LRGUK: variants seen among roughly 807,000 people sequenced by gnomAD.
LRGUK encodes the protein leucine-rich repeat and guanylate kinase domain-containing protein.
In LRGUK, 65 loss-of-function variants were observed where a neutral mutation model predicts 76.0. The observed-to-expected ratio is 0.85, with a 90% CI of 0.70 to 1.05. The LOEUF is 1.05. Ranked by LOEUF, LRGUK falls within the 50% of genes least tolerant of loss-of-function variation. The pLI, the probability that LRGUK is intolerant of heterozygous loss-of-function variation, is 0.00. For synonymous variants in LRGUK, 268 were observed against 265.6 expected (o/e 1.01, Z -0.09); for missense variants, 758 against 732.8 (o/e 1.03, Z -0.40).
chr7:134,193,893 C>T (rs1264305695), intron 12 of LRGUK, among the ~76,000 whole-genome samples: 1 of 152,152 alleles, frequency 6.6e-6, no homozygotes, highest in Admixed American at 6.5e-5. Context: ...CACCTTTCTG[C>T]TCTGACACGT....
At chr7:134,163,091 G>A (rs906926549) in intron 6 of LRGUK, among the ~76,000 whole-genome samples, 1 of 152,130 alleles carries the variant, frequency 6.6e-6, no homozygotes, top group Non-Finnish European at 1.5e-5. Flanking sequence ...TACACTTCAG[G>A]TGTGCAATGT....
chr7:134,140,819 T>G (rs955340759), intron 3 of LRGUK, among the ~76,000 whole-genome samples: 2 of 152,220 alleles, frequency 1.3e-5, no homozygotes, highest in Non-Finnish European at 2.9e-5. Flanking sequence ...TCTAAAGCTT[T>G]ATTATGGAAA....
At chr7:134,255,423 G>A (rs1802553853) in intron 18 of LRGUK, among the ~76,000 whole-genome samples, 1 of 152,188 alleles carries the variant, frequency 6.6e-6, no homozygotes, top group South Asian at 2.1e-4. Flanking sequence ...GAATCTTTGT[G>A]CTAAGCCACT....
At chr7:134,258,233 A>G in intron 18 of LRGUK, 24 bp from the exon 19 acceptor site, 3 of 1,613,432 alleles carry the variant, frequency 1.9e-6, no homozygotes, top group South Asian at 1.1e-5. Context: ...TCTCAAAAAG[A>G]TCTTTGGTTT....
At chr7:134,144,373 A>C (rs914395884) in intron 4 of LRGUK, among the ~76,000 whole-genome samples, 2 of 151,212 alleles carry the variant, frequency 1.3e-5, no homozygotes, top group Non-Finnish European at 2.9e-5. Context: ...TCCTGGACTC[A>C]AATGATCCAC....
intron 18 of LRGUK, among the ~76,000 whole-genome samples, chr7:134,255,222 A>AACACACACAC (rs66632170): frequency 1.2e-4 from 17 of 143,052 alleles, no homozygotes; most frequent in African/African-American, 2.6e-4. Flanking sequence ...ATGTTATCTC[A>AACACACACAC]ACACACACAC....
At chr7:134,191,540 A>G in intron 11 of LRGUK, 115 bp from the exon 12 acceptor site, 1 of 740,470 alleles carries the variant, frequency 1.4e-6, no homozygotes, top group Admixed American at 2.6e-5. Context: ...GTATTACTTT[A>G]TGATTTATGA....
chr7:134,268,818 C>G (rs1163786760), downstream of LRGUK, among the ~76,000 whole-genome samples: 3 of 142,960 alleles, frequency 2.1e-5, no homozygotes, highest in Admixed American at 1.5e-4. Flanking sequence ...CAAGCTCTGC[C>G]TCCTGGGTCC....
At chr7:134,148,190 T>C (rs375205224) in intron 4 of LRGUK, 48 bp from the exon 5 acceptor site, 2 of 1,212,140 alleles carry the variant, frequency 1.6e-6, no homozygotes, top group African/African-American at 3.0e-5. Flanking sequence ...GTGGCAAACA[T>C]GAAAAATGAA....
chr7:134,196,433 G>A (rs1800490946), intron 12 of LRGUK, among the ~76,000 whole-genome samples: 1 of 152,096 alleles, frequency 6.6e-6, no homozygotes, highest in Admixed American at 6.6e-5. Flanking sequence ...ATTTGGGGCA[G>A]TTTCAGTAGA....
At chr7:134,221,877 A>G (rs2117154736) in exon 16 of LRGUK, 1 of 1,596,922 alleles carries the variant, frequency 6.3e-7, no homozygotes. Flanking sequence ...AAACTACCTC[A>G]TTAAATTTTG....
chr7:134,235,562 G>A (rs527680917), intron 16 of LRGUK, among the ~76,000 whole-genome samples: 3 of 152,008 alleles, frequency 2.0e-5, no homozygotes, highest in Non-Finnish European at 2.9e-5. Flanking sequence ...TGAAAAATTC[G>A]TATCACCCTC....
intron 16 of LRGUK, among the ~76,000 whole-genome samples, chr7:134,246,820 A>G (rs1301539507): frequency 1.3e-5 from 2 of 152,252 alleles, no homozygotes; most frequent in African/African-American, 2.4e-5. Flanking sequence ...TTGTTAATTT[A>G]TCTTTTCTGT....
Position 134,247,717 on chromosome 7 carries a change from G to A in LRGUK, c.2072+73G>A, listed in dbSNP as rs188274883. On this transcript the variant is annotated intron_variant, in intron 17 of 19. Transcript: ENST00000285928. ...AAATAGATCAAATGAATCCTAAATC[G>A]TGAACATAAACAGAGACCTCTGTCC... 3.6e-5 allele frequency: 44 copies of A among 1,209,288 alleles called. No homozygotes were observed. In the Admixed American group the frequency reaches 5.2e-4, roughly 14 times the overall value. The allele number at this position is 1,209,288 out of a possible 1,614,324, so 74.9% of individuals were successfully genotyped here. A position where few individuals can be genotyped will look rare whatever the true frequency, so the allele number is the denominator to read the frequency against.
chr7:134,145,615 T>C (rs1391879340), intron 4 of LRGUK, among the ~76,000 whole-genome samples: 1 of 152,198 alleles, frequency 6.6e-6, no homozygotes, highest in African/African-American at 2.4e-5. Context: ...ATTGTCCTGA[T>C]ACTGAAGCAT....
intron 16 of LRGUK, among the ~76,000 whole-genome samples, chr7:134,242,840 T>A (rs1042833151): frequency 5.9e-5 from 9 of 152,018 alleles, no homozygotes; most frequent in Non-Finnish European, 1.2e-4. Context: ...CAGCACCTCA[T>A]AAAGCTTATC....
chr7:134,261,244 C>T (rs1314787883), intron 19 of LRGUK, among the ~76,000 whole-genome samples: 2 of 152,068 alleles, frequency 1.3e-5, no homozygotes, highest in Admixed American at 6.6e-5. Context: ...TCTTTTTTTA[C>T]ATGAACTGTC....
intron 16 of LRGUK, among the ~76,000 whole-genome samples, chr7:134,222,909 G>T (rs1285304623): frequency 6.6e-6 from 1 of 152,028 alleles, no homozygotes; most frequent in African/African-American, 2.4e-5. Flanking sequence ...AGGATAGCCT[G>T]TTCTAAACAA....
At chr7:134,231,118 C>T (rs970986064) in intron 16 of LRGUK, among the ~76,000 whole-genome samples, 9 of 152,112 alleles carry the variant, frequency 5.9e-5, no homozygotes, top group Non-Finnish European at 1.2e-4. Flanking sequence ...GATGCTGAAG[C>T]CCAAATCACC....
Sources: allele counts gnomAD v4.1 joint callset (sites outside exome capture counted in the v4.1 genomes callset), GRCh38; gene constraint gnomAD v4.1.1; transcripts MANE v1.5; gene names NCBI Gene and HGNC (gene_info 2026-07-23, HGNC 2026-07-21).